FARS2: variants seen among roughly 807,000 people sequenced by gnomAD.
FARS2 encodes the protein phenylalanine--tRNA ligase, mitochondrial.
Under a neutral mutation model 46.4 loss-of-function variants are expected in FARS2, and 40 were observed. The ratio of observed to expected loss-of-function variants is 0.86; its 90% CI spans 0.67 to 1.12. FARS2 has a LOEUF of 1.12. Ranked by LOEUF, FARS2 falls within the 50% of genes most tolerant of loss-of-function variation. The pLI, the probability that FARS2 is intolerant of heterozygous loss-of-function variation, is 0.00. For synonymous variants in FARS2, 234 were observed against 214.9 expected (o/e 1.09, Z -0.78); for missense variants, 513 against 567.9 (o/e 0.90, Z 0.98).
At chr6:5,721,924 C>A (rs761837263) in intron 6 of FARS2, among the ~76,000 whole-genome samples, 2 of 152,282 alleles carry the variant, frequency 1.3e-5, no homozygotes, top group Non-Finnish European at 2.9e-5. Context: ...TGTGCTTCAG[C>A]GTGTACCACG....
At chr6:5,273,143 T>C (rs1766080266) in intron 1 of FARS2, among the ~76,000 whole-genome samples, 1 of 152,234 alleles carries the variant, frequency 6.6e-6, no homozygotes, top group South Asian at 2.1e-4. Context: ...AATGCACATA[T>C]CTTTTTGATA....
At chr6:5,686,342 T>TC (rs369821944) in intron 6 of FARS2, among the ~76,000 whole-genome samples, 3,973 of 148,134 alleles carry the variant, frequency 0.027, 348 homozygotes, top group African/African-American at 0.094. Context: ...CCTAATGCTC[T>TC]CCCCCCCCGC....
At chr6:5,341,227 ATATATATATTTTTTTT>A (rs1771604701) in intron 1 of FARS2, among the ~76,000 whole-genome samples, 4 of 4,650 alleles carry the variant, frequency 8.6e-4, no homozygotes, top group African/African-American at 2.9e-3. Context: ...ATATATATAT[ATATATATATTTTTTTT>A]TTTTTTTTTT....
At chr6:5,562,779 ATTTCT>A (rs1287908146) in intron 5 of FARS2, among the ~76,000 whole-genome samples, 20 of 146,606 alleles carry the variant, frequency 1.4e-4, no homozygotes, top group East Asian at 2.0e-4. Flanking sequence ...CTATTTAACC[ATTTCT>A]TTTCTTTTCT....
At chr6:5,339,732 G>A (rs760050582) in intron 1 of FARS2, among the ~76,000 whole-genome samples, 4 of 152,162 alleles carry the variant, frequency 2.6e-5, no homozygotes, top group Non-Finnish European at 4.4e-5. Flanking sequence ...ATAGCACCTG[G>A]CCAAACCAGG....
intron 4 of FARS2, among the ~76,000 whole-genome samples, chr6:5,489,656 G>A (rs916790493): frequency 6.6e-6 from 1 of 151,960 alleles, no homozygotes; most frequent in Admixed American, 6.6e-5. Context: ...CTTCAGTTCT[G>A]GGCTTTATCA....
At chr6:5,603,851 G>C (rs974947764) in intron 5 of FARS2, among the ~76,000 whole-genome samples, 14 of 152,132 alleles carry the variant, frequency 9.2e-5, no homozygotes, top group African/African-American at 3.4e-4. Flanking sequence ...TTTTTGGGAG[G>C]GGAACACAAG....
At chr6:5,282,534 T>G (rs1766810495) in intron 1 of FARS2, among the ~76,000 whole-genome samples, 1 of 152,060 alleles carries the variant, frequency 6.6e-6, no homozygotes, top group Non-Finnish European at 1.5e-5. Context: ...CCACCGGAGT[T>G]GAGGGTTAGT....
chr6:5,267,776 A>G (rs1482304021), intron 1 of FARS2, among the ~76,000 whole-genome samples: 1 of 150,526 alleles, frequency 6.6e-6, no homozygotes, highest in Non-Finnish European at 1.5e-5. Flanking sequence ...AAAAATCGCC[A>G]CACTGTCTTC....
intron 3 of FARS2, among the ~76,000 whole-genome samples, chr6:5,409,641 T>A (rs910949838): frequency 6.6e-6 from 1 of 152,228 alleles, no homozygotes; most frequent in African/African-American, 2.4e-5. Flanking sequence ...GCTGGCAGAA[T>A]TATGGAATGG....
At chr6:5,300,361 G>A (rs1400823469) in intron 1 of FARS2, among the ~76,000 whole-genome samples, 6 of 152,226 alleles carry the variant, frequency 3.9e-5, no homozygotes, top group Non-Finnish European at 7.4e-5. Flanking sequence ...GATTCAGAGT[G>A]ACATAGTGGA....
At chr6:5,546,744 TC>T (rs1771049179) in intron 5 of FARS2, among the ~76,000 whole-genome samples, 2 of 151,700 alleles carry the variant, frequency 1.3e-5, no homozygotes, top group African/African-American at 4.8e-5. Flanking sequence ...TTTTTTTTTT[TC>T]CTGTTTTGTC....
chr6:5,402,578 T>C (rs956973521), intron 2 of FARS2, among the ~76,000 whole-genome samples: 7 of 152,070 alleles, frequency 4.6e-5, no homozygotes, highest in South Asian at 2.1e-4. Context: ...ACTTTAGTGG[T>C]TTATTTATTT....
chr6:5,254,373 C>T, the FARS2 span, among the ~76,000 whole-genome samples: 7 of 152,264 alleles, frequency 4.6e-5, no homozygotes, highest in Non-Finnish European at 7.4e-5. Flanking sequence ...TGTAGAATCC[C>T]GAAGCACGGA....
chr6:5,759,650 G>T (rs1342522614), intron 6 of FARS2, among the ~76,000 whole-genome samples: 2 of 152,174 alleles, frequency 1.3e-5, no homozygotes, highest in Non-Finnish European at 2.9e-5. Context: ...AGCCAGGGCT[G>T]TCATGCTGTT....
In FARS2 at chr6:5,594,453, G is replaced by A. The variant is rs7767030; in HGVS notation, c.1066-18716G>A. Among the ~76,000 whole-genome samples, 1,174 of 152,326 alleles carry A rather than the reference G, an allele frequency of 7.7e-3. 16 individuals carry two copies. Among genetic ancestry groups the A allele is most frequent in the African/African-American group, 0.024 (1,005 of 41,570 alleles). On this transcript the variant is annotated intron_variant, in intron 5 of 6. Transcript: ENST00000274680. ...TCTCCCTTCCTTCTTTGCCGCATCA[G>A]TGAGGTCGAGGCAGGAGACAGAAAC...
At chr6:5,294,437 G>A (rs59263924) in intron 1 of FARS2, among the ~76,000 whole-genome samples, 12,357 of 152,090 alleles carry the variant, frequency 0.081, 839 homozygotes, top group African/African-American at 0.18. Context: ...AAATGTGTGG[G>A]TTTTTTCCCC....
intron 4 of FARS2, among the ~76,000 whole-genome samples, chr6:5,542,038 C>A (rs113651119): frequency 6.6e-6 from 1 of 152,254 alleles, no homozygotes; most frequent in Admixed American, 6.5e-5. Flanking sequence ...ATATAACCAG[C>A]AATGAGGAGG....
intron 4 of FARS2, among the ~76,000 whole-genome samples, chr6:5,522,372 G>A (rs988452743): frequency 1.3e-5 from 2 of 152,214 alleles, no homozygotes; most frequent in African/African-American, 2.4e-5. Context: ...CTGTGACCAG[G>A]GAGAGGAGAA....
Sources: allele counts gnomAD v4.1 joint callset (sites outside exome capture counted in the v4.1 genomes callset), GRCh38; gene constraint gnomAD v4.1.1; transcripts MANE v1.5; gene names NCBI Gene and HGNC (gene_info 2026-07-23, HGNC 2026-07-21).